Variants in SYT13 observed in about 807,000 individuals in gnomAD.
SYT13 encodes the protein synaptotagmin 13.
SYT13 carries 21 observed loss-of-function variants against 38.6 expected under a neutral mutation model. The observed-to-expected ratio is 0.54, with a 90% CI of 0.39 to 0.78. The LOEUF (loss-of-function observed/expected upper bound fraction) is 0.78. Ranked by LOEUF, SYT13 falls within the 30% of genes least tolerant of loss-of-function variation. The pLI, the probability that SYT13 is intolerant of heterozygous loss-of-function variation, is 0.00. For missense variants in SYT13, 495 were observed against 548.7 expected, an observed-to-expected ratio of 0.90 and a Z score of 0.98; for synonymous variants, 241 against 237.6, an observed-to-expected ratio of 1.01 and a Z score of -0.13.
At chr11:45,244,555 A>C (rs1854592428) in intron 5 of SYT13, among the ~76,000 whole-genome samples, 199 bp from the exon 6 acceptor site, 1 of 152,140 alleles carries the variant, frequency 6.6e-6, no homozygotes, top group Non-Finnish European at 1.5e-5. Context: ...TCCCAAGTCT[A>C]TGTGACCATA....
intron 1 of SYT13, among the ~76,000 whole-genome samples, chr11:45,280,761 T>C (rs138926823): frequency 2.0e-5 from 3 of 152,298 alleles, no homozygotes; most frequent in East Asian, 3.9e-4. Context: ...TCTTATTCAG[T>C]GTTAGGTTAC....
chr11:45,282,197 C>T (rs192366567), intron 1 of SYT13, among the ~76,000 whole-genome samples: 1 of 152,326 alleles, frequency 6.6e-6, no homozygotes, highest in Admixed American at 6.5e-5. Flanking sequence ...AATAATCAAG[C>T]TTCTAGAGGT....
chr11:45,273,767 T>TC (rs1854977836), intron 1 of SYT13, among the ~76,000 whole-genome samples: 1 of 152,240 alleles, frequency 6.6e-6, no homozygotes, highest in Non-Finnish European at 1.5e-5. Flanking sequence ...ATGTTCATGT[T>TC]CCCCTTTTCA....
chr11:45,250,684 A>G (rs1241859954), intron 4 of SYT13, among the ~76,000 whole-genome samples: 2 of 152,190 alleles, frequency 1.3e-5, no homozygotes, highest in Non-Finnish European at 2.9e-5. Flanking sequence ...GCTGAGTTCC[A>G]TCTGAGAGTG....
At position 45,286,179 on chromosome 11, in the gene SYT13, A is replaced by T; in HGVS notation, c.29T>A (p.Leu10Gln). ...GGTGGCTGTGCCCAGCGTGGCGCCCAGCGCGATCACAGGCACCGACAGCAC... is the reference window on the plus strand; with the variant it reads ...GGTGGCTGTGCCCAGCGTGGCGCCCTGCGCGATCACAGGCACCGACAGCAC... MVLSVPVIA[L>Q]GATLGTATSI... Residue 10 changes from leucine (L) to glutamine (Q), a missense_variant, in exon 1 of 6, where the codon CTG (leucine) becomes CAG (glutamine). Coordinates refer to ENST00000020926, the MANE Select transcript of SYT13 (RefSeq NM_020826.3). The T allele has an allele frequency of 6.3e-7, 1 of 1,577,788 alleles. No homozygotes were observed. Among genetic ancestry groups the T allele is most frequent in the South Asian group, 1.2e-5 (1 of 86,370 alleles).
chr11:45,270,645 T>G (rs1360330648), intron 1 of SYT13, among the ~76,000 whole-genome samples: 1 of 152,238 alleles, frequency 6.6e-6, no homozygotes, highest in South Asian at 2.1e-4. Context: ...GATAAGCTTT[T>G]CTTCATGGAA....
At chr11:45,269,425 T>G in intron 1 of SYT13, 2 of 1,238,188 alleles carry the variant, frequency 1.6e-6, no homozygotes, top group Middle Eastern at 2.2e-4. Context: ...TTCCTTCTTG[T>G]AGGTGGCCCC....
chr11:45,266,596 T>C (rs1278998380), intron 1 of SYT13, among the ~76,000 whole-genome samples: 2 of 151,844 alleles, frequency 1.3e-5, no homozygotes, highest in Non-Finnish European at 2.9e-5. Flanking sequence ...TGTAAGAAAC[T>C]GAGAGAGATC....
chr11:45,282,163 G>C (rs1205872164), intron 1 of SYT13, among the ~76,000 whole-genome samples: 1 of 152,170 alleles, frequency 6.6e-6, no homozygotes, highest in Non-Finnish European at 1.5e-5. Context: ...CTTTCTCCTT[G>C]CTCAAGCTGC....
intron 1 of SYT13, among the ~76,000 whole-genome samples, chr11:45,280,872 G>A (rs1482409622): frequency 2.0e-5 from 3 of 152,166 alleles, no homozygotes; most frequent in Non-Finnish European, 4.4e-5. Context: ...TGATCTTAAG[G>A]AGAAGGCTCC....
At position 45,254,566 on chromosome 11, in the gene SYT13, T is replaced by C. The variant is rs558441065; in HGVS notation, c.410-162A>G. 1.0e-4 allele frequency: 95 copies of C among 936,574 alleles called. 1 individual carries two copies. In the South Asian group the frequency reaches 1.8e-3, roughly 17 times the overall value. 58.0% of individuals were successfully genotyped at this position (936,574 alleles called of 1,614,324 possible). On this transcript the variant is annotated intron_variant, in intron 2 of 5. Coordinates refer to ENST00000020926, the MANE Select transcript of SYT13 (RefSeq NM_020826.3). ...ACACCAAGACAACAGGTGGGGTCAA[T>C]GTCACAGCCCATTAGGCTGCATCTG...
At position 45,241,149 on chromosome 11, in the gene SYT13, T is replaced by C. The variant is rs1854545806; in HGVS notation, c.*2903A>G. ...AGTAATACTCATTGTCATGAATTTC[T>C]AGCTTGACTGCTAAGACATCTGATG... On this transcript the variant is annotated 3_prime_UTR_variant, in exon 6 of 6. Coordinates refer to ENST00000020926, the MANE Select transcript of SYT13 (RefSeq NM_020826.3). 1 of 152,258 alleles carries C rather than the reference T, an allele frequency of 6.6e-6. No homozygotes were observed. Among genetic ancestry groups the C allele is most frequent in the Non-Finnish European group, 1.5e-5 (1 of 68,040 alleles). 9.4% of individuals were successfully genotyped at this position (152,258 alleles called of 1,614,324 possible). A position where few individuals can be genotyped will look rare whatever the true frequency, so the allele number is the denominator to read the frequency against.
chr11:45,253,304 T>C, intron 3 of SYT13, among the ~76,000 whole-genome samples: 1 of 152,324 alleles, frequency 6.6e-6, no homozygotes, highest in East Asian at 1.9e-4. Flanking sequence ...TGAGGCTATG[T>C]GTCTTAACAG....
Position 45,246,340 on chromosome 11 carries a change from G to A in SYT13, c.976+43C>T, listed in dbSNP as rs371361653. ...ACCACCTCCCTCAGCACACACTCCC[G>A]GTAGCTGGAGGGGCCTTGGCCATCC... On this transcript the variant is annotated intron_variant, in intron 5 of 5. Transcript: ENST00000020926. 2.4e-5 allele frequency: 39 copies of A among 1,605,448 alleles called. No homozygotes were observed. The African/African-American group carries it at 2.7e-4, about 11-fold the overall frequency.
At chr11:45,278,826 G>T (rs188697233) in intron 1 of SYT13, among the ~76,000 whole-genome samples, 1 of 152,108 alleles carries the variant, frequency 6.6e-6, no homozygotes, top group Admixed American at 6.5e-5. Flanking sequence ...TATTTCCAGC[G>T]GGTATGTGCT....
chr11:45,285,749 C>T (rs1855126148), intron 1 of SYT13: 3 of 676,426 alleles, frequency 4.4e-6, no homozygotes, highest in Non-Finnish European at 8.1e-6. Context: ...TGTCCCCTCC[C>T]TTTAGGTCTC....
In SYT13 at chr11:45,243,040, T is replaced by A. The variant is rs1854570496; in HGVS notation, c.*1012A>T. The A allele has an allele frequency of 6.6e-6, 1 of 152,142 alleles. No individual in the cohort carries two copies. The highest frequency in any genetic ancestry group is 1.5e-5 in the Non-Finnish European group (1 of 68,026). 9.4% of individuals were successfully genotyped at this position (152,142 alleles called of 1,614,324 possible). A position where few individuals can be genotyped will look rare whatever the true frequency, so the allele number is the denominator to read the frequency against. ...ATAACTAAATTCCTCCTGAAGTGAC[T>A]GGAACGCTGAGAAGGGACCGGTCTA... On this transcript the variant is annotated 3_prime_UTR_variant, in exon 6 of 6. Coordinates refer to ENST00000020926, the MANE Select transcript of SYT13 (RefSeq NM_020826.3).
chr11:45,252,270 C>T lies in SYT13; in HGVS notation c.846+151G>A, dbSNP rs543665929. On this transcript the variant is annotated intron_variant, in intron 4 of 5. Transcript: ENST00000020926. This position sits in a 1 kb window ranked among gnomAD's most constrained non-coding sequence, Gnocchi z 4.3. Reference sequence around the variant, plus strand: ...CTATGGGTCTCCTCTAGCCCTCTGCCCCATTCAAGATTCCAACCTCCCTTC... The same window carrying T: ...CTATGGGTCTCCTCTAGCCCTCTGCTCCATTCAAGATTCCAACCTCCCTTC... 1 of 904,910 alleles carries T rather than the reference C, an allele frequency of 1.1e-6. No individual in the cohort carries two copies. Among genetic ancestry groups the T allele is most frequent in the Admixed American group, 2.4e-5 (1 of 42,214 alleles). The allele number at this position is 904,910 out of a possible 1,614,324, so 56.1% of individuals were successfully genotyped here. A position where few individuals can be genotyped will look rare whatever the true frequency, so the allele number is the denominator to read the frequency against.
chr11:45,282,726 A>G (rs1040899754), intron 1 of SYT13, among the ~76,000 whole-genome samples: 1 of 152,222 alleles, frequency 6.6e-6, no homozygotes, highest in Non-Finnish European at 1.5e-5. Flanking sequence ...GCTATTCCTA[A>G]TTACAGAAAA....
Sources: gnomAD v4.1 joint callset for allele counts (sites outside exome capture counted in the v4.1 genomes callset) on GRCh38, gnomAD v4.1.1 for gene constraint, Gnocchi (gnomAD v3.1) non-coding constraint, MANE v1.5 for transcripts, NCBI Gene and HGNC (gene_info 2026-07-23, HGNC 2026-07-21) for gene names.